The following WAPL variants were observed in gnomAD, a reference collection of about 807,000 sequenced individuals.
The protein encoded by WAPL is WAPL cohesin release factor.
A neutral mutation model predicts 121.0 loss-of-function variants in WAPL; 5 were observed. The observed-to-expected ratio is 0.04, with a 90% confidence interval of 0.02 to 0.09. The LOEUF is 0.09. Ranked by LOEUF, WAPL falls within the 10% of genes least tolerant of loss-of-function variation. WAPL has a pLI of 1.00. For synonymous variants in WAPL, 480 were observed against 481.5 expected, an observed-to-expected ratio of 1.00 and a Z score of 0.04; for missense variants, 999 against 1,410.8, an observed-to-expected ratio of 0.71 and a Z score of 4.68.
At chr10:86,475,841 G>A (rs993276449) in intron 4 of WAPL, among the ~76,000 whole-genome samples, 1 of 152,170 alleles carries the variant, frequency 6.6e-6, no homozygotes, top group African/African-American at 2.4e-5. Context: ...CAGCCTTTTG[G>A]CAAGAATGAG....
At chr10:86,510,743 T>TA (rs1307763812) in intron 2 of WAPL, among the ~76,000 whole-genome samples, 1 of 152,270 alleles carries the variant, frequency 6.6e-6, no homozygotes, top group African/African-American at 2.4e-5. Context: ...TTTCCATTTA[T>TA]ATACACATAT....
At chr10:86,440,713 C>T (rs552202599) in intron 17 of WAPL, among the ~76,000 whole-genome samples, 5 of 151,870 alleles carry the variant, frequency 3.3e-5, no homozygotes, top group Non-Finnish European at 7.4e-5. Context: ...AAAGATCTTG[C>T]GGGGCCTCCA....
intron 2 of WAPL, among the ~76,000 whole-genome samples, chr10:86,510,668 G>A (rs913391983): frequency 1.3e-5 from 2 of 152,094 alleles, no homozygotes; most frequent in African/African-American, 4.8e-5. Context: ...CAAAAGTTCT[G>A]CTTTAGAACA....
intron 9 of WAPL, among the ~76,000 whole-genome samples, chr10:86,462,868 G>A (rs1488239053): frequency 6.6e-6 from 1 of 152,018 alleles, no homozygotes; most frequent in Non-Finnish European, 1.5e-5. Flanking sequence ...GTTAATTCAT[G>A]AGTCATACAG....
At position 86,453,793 on chromosome 10, in the gene WAPL, T is replaced by C. The variant is rs532683010; in HGVS notation, c.2696A>G (p.Asn899Ser). The C allele has an allele frequency of 2.7e-5, 43 of 1,613,130 alleles. No individual in the cohort carries two copies. The Admixed American group carries it at 2.8e-4, about 11-fold the overall frequency. The change falls in exon 13 of 19, where the codon AAC (asparagine) becomes AGC (serine). Residue 899 changes from asparagine (N) to serine (S), a missense_variant. Physicochemically the swap from Asn to Ser is conservative, Grantham distance 46. Transcript: ENST00000298767. ...TAAGCATATGCTGTCCTCAGCACGG[T>C]TGTACTGCTGAATCAGTTCTTCACA... ...QHCEELIQQY[N>S]RAEDSICLAD... is the part of the protein sequence containing the mutation.
chr10:86,497,414 G>A lies in WAPL; in HGVS notation c.1526-95C>T, dbSNP rs575053452. 4.4e-6 allele frequency: 4 copies of A among 914,388 alleles called. No individual in the cohort carries two copies. The African/African-American group carries it at 6.8e-5, about 16-fold the overall frequency. 56.6% of individuals were successfully genotyped at this position (914,388 alleles called of 1,614,324 possible). A position where few individuals can be genotyped will look rare whatever the true frequency, so the allele number is the denominator to read the frequency against. Reference sequence around the variant, plus strand: ...TATATATACATGAATGAATGAAAATGGGAAGAAAAGAATAAAGGAAATCAC... The same window carrying A: ...TATATATACATGAATGAATGAAAATAGGAAGAAAAGAATAAAGGAAATCAC... On this transcript the variant is annotated intron_variant, in intron 3 of 18. Coordinates refer to ENST00000298767, the MANE Select transcript of WAPL (RefSeq NM_015045.5).
intron 7 of WAPL, among the ~76,000 whole-genome samples, chr10:86,471,784 T>C (rs1218676782): frequency 6.6e-6 from 1 of 152,182 alleles, no homozygotes; most frequent in Admixed American, 6.5e-5. Context: ...TACAGGCATA[T>C]GCCACCATGA....
chr10:86,493,158 A>G (rs569010681), intron 4 of WAPL, among the ~76,000 whole-genome samples: 3 of 151,976 alleles, frequency 2.0e-5, no homozygotes, highest in Admixed American at 1.3e-4. Flanking sequence ...ATGGTTTGGG[A>G]AAAAAAATAT....
chr10:86,502,050 A>C (rs1395218806), intron 2 of WAPL, among the ~76,000 whole-genome samples: 1 of 152,244 alleles, frequency 6.6e-6, no homozygotes, highest in Non-Finnish European at 1.5e-5. Flanking sequence ...TTTAAAACTA[A>C]AAATGTACAT....
At position 86,505,300 on chromosome 10, in the gene WAPL, C is replaced by CTTTTTTTTTTTTTTTTTTTTTT. The variant is rs531404303; in HGVS notation, c.500-4579_500-4558dup. 4.5e-4 allele frequency among the ~76,000 whole-genome samples: 20 copies of CTTTTTTTTTTTTTTTTTTTTTT among 44,644 alleles called. 3 individuals are homozygous for CTTTTTTTTTTTTTTTTTTTTTT. Among genetic ancestry groups the CTTTTTTTTTTTTTTTTTTTTTT allele is most frequent in the Middle Eastern group, 0.02 (1 of 50 alleles). The allele number at this position is 44,644 out of a possible 152,430, so 29.3% of individuals were successfully genotyped here. ...CAAGCTTCAGCCACAGTGCCCAACT[C>CTTTTTTTTTTTTTTTTTTTTTT]TTTTTTTTTTTTTTTTTTTTTTTTT... On this transcript the variant is annotated intron_variant, in intron 2 of 18. Coordinates refer to ENST00000298767, the MANE Select transcript of WAPL (RefSeq NM_015045.5).
chr10:86,438,843 T>G (rs148277581), intron 17 of WAPL, among the ~76,000 whole-genome samples: 1,809 of 152,298 alleles, frequency 0.012, 111 homozygotes, highest in Admixed American at 0.097. Flanking sequence ...GAGAAAACCC[T>G]TCATTATTAG....
chr10:86,486,221 T>C (rs953979123), intron 4 of WAPL, among the ~76,000 whole-genome samples: 2 of 152,140 alleles, frequency 1.3e-5, no homozygotes, highest in Non-Finnish European at 2.9e-5. Flanking sequence ...TAACACTGGG[T>C]AAAACTGTTC....
chr10:86,499,008 C>A (rs1842197763), intron 3 of WAPL, among the ~76,000 whole-genome samples: 1 of 152,222 alleles, frequency 6.6e-6, no homozygotes, highest in South Asian at 2.1e-4. Context: ...GTATTTCCCT[C>A]ATTATAACCA....
intron 4 of WAPL, among the ~76,000 whole-genome samples, chr10:86,480,935 AT>A (rs1841768850): frequency 6.6e-6 from 1 of 152,246 alleles, no homozygotes; most frequent in Non-Finnish European, 1.5e-5. Flanking sequence ...CAATTTGAAA[AT>A]TGTCCAGAGA....
Position 86,473,924 on chromosome 10 carries a change from G to A in WAPL, c.1694C>T (p.Ser565Leu). Residue 565 changes from serine to leucine, a missense_variant, in exon 5 of 19, where the codon TCA (serine) becomes TTA (leucine). Physicochemically the swap from Ser to Leu is moderately radical, Grantham distance 145. Around this residue, in one of 7 missense-constraint regions of WAPL, gnomAD observed 74 missense variants for 115.1 expected, o/e 0.64. Coordinates refer to ENST00000298767, the MANE Select transcript of WAPL (RefSeq NM_015045.5). Reference sequence around the variant, plus strand: ...TACTGGTGGCCCAGGCAGTTCTTCTGAATCTGGATGATTCCAATGTCTGGC... The same window carrying A: ...TACTGGTGGCCCAGGCAGTTCTTCTAAATCTGGATGATTCCAATGTCTGGC... ...YNARHWNHPD[S>L]EELPGPPVVK... 6.2e-7 allele frequency: 1 copy of A among 1,614,048 alleles called. No individual in the cohort carries two copies. The highest frequency in any genetic ancestry group is 1.3e-5 in the African/African-American group (1 of 75,040).
intron 12 of WAPL, among the ~76,000 whole-genome samples, chr10:86,457,545 C>T (rs757717049): frequency 5.3e-5 from 8 of 151,524 alleles, no homozygotes; most frequent in Admixed American, 1.3e-4. Context: ...CCCAGCTATT[C>T]GGAAGGCTGA....
intron 9 of WAPL, among the ~76,000 whole-genome samples, chr10:86,461,709 T>A (rs796159661): frequency 6.6e-6 from 1 of 152,214 alleles, no homozygotes; most frequent in African/African-American, 2.4e-5. Flanking sequence ...GTACAAGTTA[T>A]CACTTAACAT....
intron 8 of WAPL, among the ~76,000 whole-genome samples, chr10:86,469,249 T>TAAA (rs1431794434): frequency 0.68 from 68,188 of 100,168 alleles, 32,143 homozygotes; most frequent in Non-Finnish European, 0.74. Context: ...AATAATTTTT[T>TAAA]TTTTTTTTTT....
chr10:86,448,542 C>T (rs546801646), intron 15 of WAPL, among the ~76,000 whole-genome samples: 1 of 152,322 alleles, frequency 6.6e-6, no homozygotes, highest in African/African-American at 2.4e-5. Context: ...CAGGAAGACA[C>T]ATTAAGCAAA....
Sources: gnomAD v4.1 joint callset for allele counts (sites outside exome capture counted in the v4.1 genomes callset) on GRCh38, gnomAD v4.1.1 for gene constraint, gnomAD v4.1.1 regional missense constraint, MANE v1.5 for transcripts, NCBI Gene and HGNC (gene_info 2026-07-23, HGNC 2026-07-21) for gene names.